The following CFAP54 variants were observed in gnomAD, a reference collection of about 807,000 sequenced individuals.
CFAP54 encodes the protein cilia and flagella associated protein 54.
In CFAP54, 290 loss-of-function variants were observed where a neutral mutation model predicts 370.4. The observed-to-expected ratio is 0.78, with a 90% CI of 0.71 to 0.86. The LOEUF is 0.86. CFAP54 is among the 40% of genes least tolerant of loss of function. CFAP54 has a pLI of 0.00. For missense variants in CFAP54, 3,399 were observed against 3,528.7 expected, an observed-to-expected ratio of 0.96 and a Z score of 0.93; for synonymous variants, 1,206 against 1,236.5, an observed-to-expected ratio of 0.98 and a Z score of 0.52.
intron 22 of CFAP54, among the ~76,000 whole-genome samples, chr12:96,585,253 C>T (rs778812139): frequency 6.6e-6 from 1 of 152,102 alleles, no homozygotes; most frequent in Non-Finnish European, 1.5e-5. Flanking sequence ...CTCCACCTCC[C>T]GTGTTCAAGC....
In CFAP54 at chr12:96,527,278, A is replaced by C. The variant is rs1955393347; in HGVS notation, c.1191A>C (p.Leu397=). Residue 397 remains leucine, a synonymous_variant, in exon 9 of 68, where the codon CTA becomes CTC. Transcript: ENST00000524981. ...GGCCACGAACTGTCACAGAGCGGCT[A>C]CTGGATGAGATGTTTGATAGCACTG... ...LSWPRTVTER[L]LDEMFDSTAS... 2.6e-6 allele frequency: 4 copies of C among 1,529,560 alleles called. No homozygotes were observed. The African/African-American group carries it at 5.5e-5, about 21-fold the overall frequency. The allele number at this position is 1,529,560 out of a possible 1,614,324, so 94.7% of individuals were successfully genotyped here.
chr12:96,489,801 G>T lies in CFAP54; in HGVS notation c.192G>T (p.Pro64=), dbSNP rs1365962839. ...DSLPLAVFYG[P]LDAKNPLLAS... ...TGCCCCTAGCCGTGTTTTATGGGCC[G>T]CTGGACGCGAAAAACCCGCTCCTGG... The change falls in exon 1 of 68, where the codon CCG becomes CCT. Residue 64 remains proline (P), a synonymous_variant. Coordinates refer to ENST00000524981, the MANE Select transcript of CFAP54 (RefSeq NM_001306084.2). 2.6e-6 allele frequency: 4 copies of T among 1,536,128 alleles called. No individual in the cohort carries two copies. The highest frequency in any genetic ancestry group is 4.9e-5 in the East Asian group (2 of 40,910).
chr12:96,784,881 A>C lies in CFAP54; in HGVS notation c.8446A>C (p.Lys2816Gln). ...CCTTCAGAGGATTAATAATCTGAGC[A>C]AACTGCTAGGTAGGTTTTTTGATGT... ...IHLQRINNLS[K>Q]LLASATPVSG... Residue 2816 changes from lysine (K) to glutamine (Q), a missense_variant, in exon 61 of 68, where the codon AAA (lysine) becomes CAA (glutamine). Around this residue, in one of 3 missense-constraint regions of CFAP54, gnomAD observed 2,796 missense variants for 2,869.7 expected, o/e 0.97. Coordinates refer to ENST00000524981, the MANE Select transcript of CFAP54 (RefSeq NM_001306084.2). 6.6e-7 allele frequency: 1 copy of C among 1,517,114 alleles called. No homozygotes were observed. The highest frequency in any genetic ancestry group is 8.8e-7 in the Non-Finnish European group (1 of 1,137,754). 94.0% of individuals were successfully genotyped at this position (1,517,114 alleles called of 1,614,324 possible). A position where few individuals can be genotyped will look rare whatever the true frequency, so the allele number is the denominator to read the frequency against.
At chr12:96,859,062 A>G (rs1959792977) in intron 66 of CFAP54, among the ~76,000 whole-genome samples, 1 of 152,204 alleles carries the variant, frequency 6.6e-6, no homozygotes, top group Non-Finnish European at 1.5e-5. Context: ...ACAGGCACAT[A>G]GACCAATGGA....
intron 46 of CFAP54, among the ~76,000 whole-genome samples, chr12:96,701,435 G>C (rs1389318471): frequency 6.6e-6 from 1 of 152,090 alleles, no homozygotes; most frequent in South Asian, 2.1e-4. Flanking sequence ...TAGAAAGACA[G>C]CAGGGGGGCT....
intron 66 of CFAP54, among the ~76,000 whole-genome samples, chr12:96,841,566 AT>A (rs1416347099): frequency 7.9e-5 from 12 of 152,272 alleles, no homozygotes; most frequent in African/African-American, 2.9e-4. Context: ...GAATTTACCC[AT>A]TTCCCTTGTT....
At chr12:96,852,554 C>T (rs1959579414) in intron 66 of CFAP54, among the ~76,000 whole-genome samples, 1 of 151,940 alleles carries the variant, frequency 6.6e-6, no homozygotes, top group African/African-American at 2.4e-5. Flanking sequence ...GAAGATAAAA[C>T]AATAAAGCTA....
chr12:96,819,588 G>A (rs1374152186), intron 65 of CFAP54, among the ~76,000 whole-genome samples: 2 of 151,960 alleles, frequency 1.3e-5, no homozygotes, highest in Non-Finnish European at 2.9e-5. Context: ...TCTATGTATT[G>A]TTACCTCACA....
At chr12:96,711,228 T>A (rs1290177287) in intron 48 of CFAP54, among the ~76,000 whole-genome samples, 3 of 152,152 alleles carry the variant, frequency 2.0e-5, no homozygotes, top group African/African-American at 7.2e-5. Context: ...ATTCTTTTTT[T>A]AAATTCTGTA....
chr12:96,697,616 A>G (rs1957450927), intron 45 of CFAP54, among the ~76,000 whole-genome samples: 1 of 152,198 alleles, frequency 6.6e-6, no homozygotes, highest in Admixed American at 6.5e-5. Flanking sequence ...TTCCTAAGAT[A>G]ATAATAAATG....
intron 63 of CFAP54, 27 bp downstream of exon 63, chr12:96,792,526 T>C: frequency 6.8e-7 from 1 of 1,478,510 alleles, no homozygotes; most frequent in Non-Finnish European, 9.0e-7. Context: ...TAGAACTCAA[T>C]ATTTCATTTA....
intron 4 of CFAP54, among the ~76,000 whole-genome samples, chr12:96,511,775 C>T (rs976184279): frequency 2.0e-5 from 3 of 152,166 alleles, no homozygotes; most frequent in Admixed American, 6.5e-5. Flanking sequence ...TGAGCCACGG[C>T]GCCTGGCCAT....
rs768477463 is a variant in CFAP54 at position 96,663,839 on chromosome 12, C to A, written c.5470C>A (p.Arg1824=). Residue 1824 remains arginine (R), a synonymous_variant, in exon 39 of 68, where the codon CGA becomes AGA. Transcript: ENST00000524981. The stretch of plus-strand genomic sequence containing the variant: ...ACCTTTCTTTTTAAAGATAACTTGC[C>A]GAAATTTCATTGGGAAGCAGCTTAA... The part of the protein sequence containing the change: ...EAEYGEKITC[R]NFIGKQLKIN... 4.3e-6 allele frequency: 7 copies of A among 1,611,022 alleles called. No individual in the cohort carries two copies. In the South Asian group the frequency reaches 6.6e-5, roughly 15 times the overall value.
intron 40 of CFAP54, among the ~76,000 whole-genome samples, chr12:96,680,499 CAAAT>C (rs1324333224): frequency 1.3e-5 from 2 of 151,992 alleles, no homozygotes; most frequent in East Asian, 1.9e-4. Context: ...AAATAATAGA[CAAAT>C]ACATGTAAAA....
At chr12:96,808,318 C>T (rs967654695) in intron 63 of CFAP54, among the ~76,000 whole-genome samples, 1 of 152,156 alleles carries the variant, frequency 6.6e-6, no homozygotes, top group South Asian at 2.1e-4. Context: ...TCCCCTCTCT[C>T]TAAGTTGGGT....
chr12:96,874,447 T>C, intron 67 of CFAP54, among the ~76,000 whole-genome samples: 1 of 151,968 alleles, frequency 6.6e-6, no homozygotes, highest in East Asian at 1.9e-4. Context: ...TTTTGTAAGG[T>C]AGGAACAAGG....
intron 50 of CFAP54, among the ~76,000 whole-genome samples, chr12:96,731,369 A>G (rs997027560): frequency 3.9e-5 from 6 of 152,226 alleles, no homozygotes; most frequent in South Asian, 4.1e-4. Context: ...GTTGACTTGA[A>G]GAAGAATGTG....
At chr12:96,618,170 A>G (rs1308771745) in intron 26 of CFAP54, among the ~76,000 whole-genome samples, 2 of 152,090 alleles carry the variant, frequency 1.3e-5, no homozygotes, top group African/African-American at 2.4e-5. Context: ...GGCTACTGCA[A>G]TGTCTTCCAG....
At chr12:96,603,269 T>C (rs1367151576) in intron 26 of CFAP54, among the ~76,000 whole-genome samples, 1 of 152,240 alleles carries the variant, frequency 6.6e-6, no homozygotes, top group Non-Finnish European at 1.5e-5. Flanking sequence ...TCTTTAAGAA[T>C]GTTCAATATT....
Sources: allele counts gnomAD v4.1 joint callset (sites outside exome capture counted in the v4.1 genomes callset), GRCh38; gene constraint gnomAD v4.1.1; regional missense constraint gnomAD v4.1.1; transcripts MANE v1.5; gene names NCBI Gene and HGNC (gene_info 2026-07-23, HGNC 2026-07-21).